Variants in CDK5RAP2 observed in about 807,000 individuals in gnomAD.
The protein encoded by CDK5RAP2 is CDK5 regulatory subunit-associated protein 2.
A neutral mutation model predicts 232.9 loss-of-function variants in CDK5RAP2; 147 were observed. The ratio of observed to expected loss-of-function variants is 0.63; its 90% CI spans 0.55 to 0.72. The LOEUF is 0.72. Among genes scored for constraint, CDK5RAP2 ranks in the 30% least tolerant of loss-of-function variants. The pLI is 0.00. For synonymous variants in CDK5RAP2, 833 were observed against 833.7 expected (o/e 1.00, Z 0.01); for missense variants, 2,195 against 2,231.5 (o/e 0.98, Z 0.33).
At chr9:120,466,696 A>G (rs534761482) in intron 18 of CDK5RAP2, among the ~76,000 whole-genome samples, 1 of 152,328 alleles carries the variant, frequency 6.6e-6, no homozygotes, top group Admixed American at 6.5e-5. Context: ...AATTATCTAG[A>G]GTCCTGGAGG....
At chr9:120,431,840 G>C (rs2035302128) in intron 25 of CDK5RAP2, among the ~76,000 whole-genome samples, 1 of 152,162 alleles carries the variant, frequency 6.6e-6, no homozygotes, top group South Asian at 2.1e-4. Flanking sequence ...GCTCTTGGGA[G>C]GCACCAAGAA....
At chr9:120,504,912 C>A (rs149210373) in intron 12 of CDK5RAP2, among the ~76,000 whole-genome samples, 1 of 152,174 alleles carries the variant, frequency 6.6e-6, no homozygotes, top group East Asian at 1.9e-4. Context: ...TTCCACAAGG[C>A]CCAATTTGAT....
intron 26 of CDK5RAP2, among the ~76,000 whole-genome samples, chr9:120,421,543 T>G (rs2131376170): frequency 6.6e-6 from 1 of 152,316 alleles, no homozygotes; most frequent in Non-Finnish European, 1.5e-5. Context: ...GTCTGCACCC[T>G]AGACTGGTCT....
At chr9:120,423,369 G>A (rs555639872) in intron 25 of CDK5RAP2, among the ~76,000 whole-genome samples, 1 of 152,222 alleles carries the variant, frequency 6.6e-6, no homozygotes, top group South Asian at 2.1e-4. Flanking sequence ...TGTGCATACA[G>A]CTTTATCTGC....
chr9:120,567,636 G>A (rs2042694507), intron 3 of CDK5RAP2, among the ~76,000 whole-genome samples: 1 of 152,164 alleles, frequency 6.6e-6, no homozygotes, highest in Non-Finnish European at 1.5e-5. Context: ...AATGCTGGAA[G>A]ACATCAAGCA....
chr9:120,410,995 A>G (rs1288656741), intron 29 of CDK5RAP2, among the ~76,000 whole-genome samples: 1 of 152,202 alleles, frequency 6.6e-6, no homozygotes, highest in Non-Finnish European at 1.5e-5. Flanking sequence ...GCAGTATTAT[A>G]TTTCCAGCCC....
At chr9:120,450,155 T>G (rs1028714791) in intron 21 of CDK5RAP2, among the ~76,000 whole-genome samples, 4 of 152,230 alleles carry the variant, frequency 2.6e-5, no homozygotes, top group African/African-American at 9.6e-5. Context: ...GGATATACTA[T>G]GGAATACTGT....
intron 28 of CDK5RAP2, among the ~76,000 whole-genome samples, chr9:120,412,056 A>G (rs907211505): frequency 1.3e-5 from 2 of 152,086 alleles, no homozygotes; most frequent in African/African-American, 4.8e-5. Flanking sequence ...AGGCCTTATC[A>G]CTTTACTCTC....
chr9:120,443,798 T>C (rs2036034829), intron 22 of CDK5RAP2, 56 bp from the exon 23 acceptor site: 1 of 1,609,428 alleles, frequency 6.2e-7, no homozygotes, highest in African/African-American at 1.3e-5. Flanking sequence ...ACCTGAAACT[T>C]AGCCAAGCAA....
chr9:120,407,239 C>T lies in CDK5RAP2; in HGVS notation c.4736G>A (p.Gly1579Glu), dbSNP rs2033515280. The change falls in exon 32 of 38, where the codon GGA (glycine) becomes GAA (glutamate). Residue 1579 changes from glycine (G) to glutamate (E), a missense_variant. Gly to Glu is a moderately conservative substitution (Grantham distance 98). Coordinates refer to ENST00000349780, the MANE Select transcript of CDK5RAP2 (RefSeq NM_018249.6). ...AGGATCCTGCCCCTTCCAGCCTTCT[C>T]CCGACGCCTCTGAGGACATGTGCAA... ...EEHRRLREAS[G>E]EGWKGQDPFR... is the part of the protein sequence containing the mutation. 1.9e-6 allele frequency: 3 copies of T among 1,611,660 alleles called. No homozygotes were observed. Among genetic ancestry groups the T allele is most frequent in the Non-Finnish European group, 2.5e-6 (3 of 1,179,358 alleles).
At chr9:120,541,382 C>T (rs998847193) in intron 5 of CDK5RAP2, among the ~76,000 whole-genome samples, 1 of 152,148 alleles carries the variant, frequency 6.6e-6, no homozygotes, top group African/African-American at 2.4e-5. Flanking sequence ...TTAGTTATAC[C>T]AGTAAAATAT....
At chr9:120,542,678 C>A (rs1003666853) in intron 5 of CDK5RAP2, among the ~76,000 whole-genome samples, 3 of 152,172 alleles carry the variant, frequency 2.0e-5, no homozygotes, top group South Asian at 2.1e-4. Context: ...CCAGATGTGA[C>A]CTTCCTGGCT....
At chr9:120,423,137 C>T (rs928833727) in intron 25 of CDK5RAP2, among the ~76,000 whole-genome samples, 1 of 152,158 alleles carries the variant, frequency 6.6e-6, no homozygotes, top group African/African-American at 2.4e-5. Context: ...TTTTTTCATG[C>T]ATTTTGGCAT....
chr9:120,511,577 G>A (rs910314900), intron 12 of CDK5RAP2, among the ~76,000 whole-genome samples: 1 of 152,084 alleles, frequency 6.6e-6, no homozygotes, highest in Non-Finnish European at 1.5e-5. Flanking sequence ...CTTTCCTTGG[G>A]CCTCAGTGCC....
At position 120,568,331 on chromosome 9, in the gene CDK5RAP2, T is replaced by A. The variant is rs770796840; in HGVS notation, c.185A>T (p.Asp62Val). 1.7e-5 allele frequency: 28 copies of A among 1,612,756 alleles called. No homozygotes were observed. In the South Asian group the frequency reaches 3.1e-4, roughly 18 times the overall value. ...VSPTRARNMK[D>V]FENQITELKK... ...GGTATTTCCACTTACATTTTCAAAG[T>A]CCTTCATGTTCCGTGCTCTGGTGGG... The change falls in exon 3 of 38, where the codon GAC becomes GTC. Residue 62 changes from aspartate (D) to valine (V), a missense_variant. Transcript: ENST00000349780.
intron 23 of CDK5RAP2, 84 bp downstream of exon 23, chr9:120,443,536 C>T: frequency 2.1e-6 from 3 of 1,450,680 alleles, no homozygotes; most frequent in East Asian, 2.3e-5. Flanking sequence ...CTGCTATGGG[C>T]TTAGTAATAA....
chr9:120,443,753 T>C lies in CDK5RAP2; in HGVS notation c.3026-11A>G. ...CCACAGGGGGCTGAGCTACAGGCAA[T>C]CACAAAGAGAAAGAAAAATAAATAA... On this transcript the variant is annotated splice_polypyrimidine_tract_variant and intron_variant, in intron 22 of 37. Coordinates refer to ENST00000349780, the MANE Select transcript of CDK5RAP2 (RefSeq NM_018249.6). The C allele has an allele frequency of 2.5e-6, 4 of 1,613,704 alleles. No individual in the cohort carries two copies. Among genetic ancestry groups the C allele is most frequent in the Non-Finnish European group, 3.4e-6 (4 of 1,179,896 alleles).
chr9:120,536,712 C>T (rs1344480270), intron 6 of CDK5RAP2, 186 bp from the exon 7 acceptor site: 1 of 696,832 alleles, frequency 1.4e-6, no homozygotes, highest in Non-Finnish European at 2.6e-6. Context: ...CCTCTTGTAT[C>T]CTGAAGCATA....
chr9:120,411,502 T>G, intron 28 of CDK5RAP2, 28 bp from the exon 29 acceptor site: 1 of 1,221,912 alleles, frequency 8.2e-7, no homozygotes, highest in South Asian at 1.2e-5. Flanking sequence ...AAAACTGATT[T>G]ATAAACAGTC....
Sources: allele counts gnomAD v4.1 joint callset (sites outside exome capture counted in the v4.1 genomes callset), GRCh38; gene constraint gnomAD v4.1.1; transcripts MANE v1.5; gene names NCBI Gene and HGNC (gene_info 2026-07-23, HGNC 2026-07-21).